Variants in PDE11A observed in about 807,000 individuals in gnomAD.
The protein encoded by PDE11A is phosphodiesterase 11A.
PDE11A carries 100 observed loss-of-function variants against 100.5 expected under a neutral mutation model. The ratio of observed to expected loss-of-function variants is 1.00; its 90% CI spans 0.85 to 1.18. The LOEUF is 1.18. Among genes scored for constraint, PDE11A ranks in the 50% most tolerant of loss-of-function variants. PDE11A has a pLI of 0.00. For missense variants in PDE11A, 1,141 were observed against 1,152.6 expected (o/e 0.99, Z 0.15); for synonymous variants, 381 against 420.8 (o/e 0.91, Z 1.16).
rs367562033 is a variant in PDE11A at position 177,905,143 on chromosome 2, G to A, written c.1116C>T (p.Asn372=). ...YLPFCGIAIS[N]AQLFAASRKE... is the part of the protein sequence containing the mutation. ...TCCTTGAGGCAGCAAAGAGCTGAGC[G>A]TTAGATATGGCGATTCCACAAAATG... Residue 372 remains asparagine (N), a synonymous_variant, in exon 3 of 20, where the codon AAC becomes AAT. Coordinates refer to ENST00000286063, the MANE Select transcript of PDE11A (RefSeq NM_016953.4). 4.5e-5 allele frequency: 72 copies of A among 1,609,342 alleles called. No homozygotes were observed. The highest frequency in any genetic ancestry group is 2.7e-4 in the South Asian group (25 of 90,990).
chr2:177,663,271 C>G (rs979313874), intron 19 of PDE11A, among the ~76,000 whole-genome samples: 1 of 152,166 alleles, frequency 6.6e-6, no homozygotes, highest in African/African-American at 2.4e-5. Flanking sequence ...ATTAGCACAT[C>G]TCGCTCAGAA....
At chr2:177,691,996 T>A (rs145253380) in intron 15 of PDE11A, among the ~76,000 whole-genome samples, 1 of 152,204 alleles carries the variant, frequency 6.6e-6, no homozygotes. Context: ...GGACTGTATA[T>A]TTAAGGCAAC....
intron 17 of PDE11A, among the ~76,000 whole-genome samples, chr2:177,672,605 T>C (rs1021511640): frequency 6.6e-6 from 1 of 152,176 alleles, no homozygotes; most frequent in African/African-American, 2.4e-5. Flanking sequence ...AAGCTAACAA[T>C]GTTCTGAATA....
intron 2 of PDE11A, among the ~76,000 whole-genome samples, chr2:177,955,656 A>T (rs906532808): frequency 6.6e-6 from 1 of 152,192 alleles, no homozygotes; most frequent in Non-Finnish European, 1.5e-5. Flanking sequence ...CTGACTTCAA[A>T]CTATACTACA....
At chr2:177,667,775 C>T (rs880897) in intron 18 of PDE11A, among the ~76,000 whole-genome samples, 96,135 of 152,092 alleles carry the variant, frequency 0.63, 32,991 homozygotes, top group Admixed American at 0.75. Flanking sequence ...GCTTCATGCC[C>T]GACACATGGA....
At chr2:177,851,735 A>G (rs1004812119) in intron 5 of PDE11A, among the ~76,000 whole-genome samples, 4 of 150,086 alleles carry the variant, frequency 2.7e-5, no homozygotes, top group African/African-American at 9.7e-5. Flanking sequence ...CGTTTTTAAA[A>G]TGTCTTTTTT....
At chr2:177,912,835 T>C (rs1286981861) in intron 2 of PDE11A, among the ~76,000 whole-genome samples, 2 of 152,232 alleles carry the variant, frequency 1.3e-5, no homozygotes, top group Non-Finnish European at 2.9e-5. Flanking sequence ...TCAGCTTTTT[T>C]CACTTTTTAT....
At chr2:177,666,943 A>C (rs983949737) in intron 18 of PDE11A, among the ~76,000 whole-genome samples, 3 of 18,574 alleles carry the variant, frequency 1.6e-4, no homozygotes, top group African/African-American at 3.2e-4. Context: ...ATTTTGAGAG[A>C]GTCTTGCTCT....
chr2:177,853,163 T>A (rs1283160725), intron 5 of PDE11A, among the ~76,000 whole-genome samples: 4 of 152,054 alleles, frequency 2.6e-5, no homozygotes, highest in Non-Finnish European at 1.5e-5. Flanking sequence ...TTAATCTTGG[T>A]CCAACATTTC....
At chr2:177,699,541 A>C (rs1367322245) in intron 14 of PDE11A, among the ~76,000 whole-genome samples, 1 of 152,130 alleles carries the variant, frequency 6.6e-6, no homozygotes, top group Non-Finnish European at 1.5e-5. Flanking sequence ...TATGTGCCTT[A>C]ACGTTTTGGT....
intron 1 of PDE11A, chr2:178,105,541 G>A (rs2087608105): frequency 3.3e-6 from 1 of 300,812 alleles, no homozygotes; most frequent in Non-Finnish European, 6.2e-6. Flanking sequence ...TTTTGGTTGA[G>A]ACTGTTAAAA....
intron 1 of PDE11A, among the ~76,000 whole-genome samples, chr2:178,033,613 T>C (rs1437992290): frequency 6.6e-6 from 1 of 151,778 alleles, no homozygotes; most frequent in Non-Finnish European, 1.5e-5. Flanking sequence ...TTCTCCAAGG[T>C]TGAAACAAAG....
Position 177,723,908 on chromosome 2 carries a change from C to G in PDE11A, c.2043+3750G>C, listed in dbSNP as rs60466086. Among the ~76,000 whole-genome samples, 1,269 of 152,110 alleles carry G rather than the reference C, an allele frequency of 8.3e-3. 18 individuals are homozygous for G. The highest frequency in any genetic ancestry group is 0.029 in the African/African-American group (1,189 of 41,514). On this transcript the variant is annotated intron_variant, in intron 12 of 19. Transcript: ENST00000286063. ...ATACAAACAAAAGCAGAGTCATTTC[C>G]GATATCTAGTCTACATCGTGAATAT... is the stretch of plus-strand genomic sequence containing the variant.
In PDE11A at chr2:177,900,310, G is replaced by T. The variant is rs190607382; in HGVS notation, c.1162-2112C>A. On this transcript the variant is annotated intron_variant, in intron 3 of 19. Coordinates refer to ENST00000286063, the MANE Select transcript of PDE11A (RefSeq NM_016953.4). ...TCTCAAGTCTGACCTCTCACAAAAG[G>T]AATTCATGAATTGTCAAATTCACAT... 1.3e-3 allele frequency among the ~76,000 whole-genome samples: 196 copies of T among 152,260 alleles called. 2 individuals carry two copies. The highest frequency in any genetic ancestry group is 4.6e-3 in the African/African-American group (192 of 41,546).
chr2:177,905,785 T>C (rs762828442), intron 2 of PDE11A, among the ~76,000 whole-genome samples: 24 of 152,328 alleles, frequency 1.6e-4, no homozygotes, highest in Non-Finnish European at 2.1e-4. Flanking sequence ...TGTCTGCCAC[T>C]GTGTAGACAT....
In PDE11A at chr2:177,886,753, A is replaced by G. The variant is rs146880313; in HGVS notation, c.1303-10830T>C. Among the ~76,000 whole-genome samples the G allele has an allele frequency of 3.9e-5, 6 of 152,318 alleles. No homozygotes were observed. The East Asian group carries it at 1.2e-3, about 29-fold the overall frequency. On this transcript the variant is annotated intron_variant, in intron 4 of 19. Transcript: ENST00000286063. Reference sequence around the variant, plus strand: ...AGAATGCCAGTAGAGATGGTGCTATAAGTTCATGCTTTTACACATCTGATC... The same window carrying G: ...AGAATGCCAGTAGAGATGGTGCTATGAGTTCATGCTTTTACACATCTGATC...
chr2:177,970,324 C>T (rs1479286112), intron 2 of PDE11A, among the ~76,000 whole-genome samples: 1 of 151,974 alleles, frequency 6.6e-6, no homozygotes, highest in African/African-American at 2.4e-5. Flanking sequence ...GAGCAAGAAT[C>T]AAGAATGTAG....
chr2:178,002,845 C>T (rs931335816), intron 2 of PDE11A, among the ~76,000 whole-genome samples: 3 of 152,128 alleles, frequency 2.0e-5, no homozygotes, highest in African/African-American at 7.2e-5. Context: ...AGTTCATATA[C>T]TGCTACTGGC....
chr2:177,941,459 TAG>T (rs1418560092), intron 2 of PDE11A, among the ~76,000 whole-genome samples: 1 of 152,138 alleles, frequency 6.6e-6, no homozygotes, highest in Admixed American at 6.6e-5. Flanking sequence ...GATTCAGGTG[TAG>T]AGATTCCAAT....
Sources: allele counts gnomAD v4.1 joint callset (sites outside exome capture counted in the v4.1 genomes callset), GRCh38; gene constraint gnomAD v4.1.1; transcripts MANE v1.5; gene names NCBI Gene and HGNC (gene_info 2026-07-23, HGNC 2026-07-21).